Variants in RARB observed in about 807,000 individuals in gnomAD.
The protein encoded by RARB is retinoic acid receptor beta, also known as HBV-activated protein.
Under a neutral mutation model 51.9 loss-of-function variants are expected in RARB, and 17 were observed. The ratio of observed to expected loss-of-function variants is 0.33; its 90% CI spans 0.22 to 0.49. The LOEUF (loss-of-function observed/expected upper bound fraction) is 0.49. RARB is among the 20% of genes least tolerant of loss of function. RARB has a pLI of 0.99. For synonymous variants in RARB, 215 were observed against 195.4 expected (o/e 1.10, Z -0.84); for missense variants, 369 against 550.8 (o/e 0.67, Z 3.30).
chr3:25,290,120 C>G lies in RARB; in HGVS notation c.178+115545C>G, dbSNP rs1055554169. ...AGCATTGAGCTATTTACATAGAAAT[C>G]TCATTTAACTGTGTGTTACAGGCTG... On this transcript the variant is annotated intron_variant, in intron 5 of 11. Coordinates refer to the RARB transcript ENST00000383772. Among the ~76,000 whole-genome samples, 3 of 152,186 alleles carry G rather than the reference C, an allele frequency of 2.0e-5. No homozygotes were observed. The East Asian group carries it at 5.8e-4, about 29-fold the overall frequency.
chr3:25,525,614 G>C (rs1206806654), intron 3 of RARB, among the ~76,000 whole-genome samples: 1 of 152,152 alleles, frequency 6.6e-6, no homozygotes, highest in Non-Finnish European at 1.5e-5. Flanking sequence ...TAGACTAAAG[G>C]GTTCCTGATG....
Position 24,950,532 on chromosome 3 carries a change from A to G in RARB, c.-380+91780A>G, listed in dbSNP as rs531117114. On this transcript the variant is annotated intron_variant, in intron 2 of 11. Transcript: ENST00000383772. ...TTCTGGTTCAGGAAATGCATTTGAA[A>G]TATCACAGATTAGCTTGCCTGGCAG... 8.5e-5 allele frequency among the ~76,000 whole-genome samples: 13 copies of G among 152,302 alleles called. No homozygotes were observed. In the East Asian group the frequency reaches 2.5e-3, roughly 29 times the overall value.
Position 24,923,510 on chromosome 3 carries a change from T to A in RARB, c.-380+64758T>A, listed in dbSNP as rs192305097. On this transcript the variant is annotated intron_variant, in intron 2 of 11. Coordinates refer to the RARB transcript ENST00000383772. ...CTCTTCTTTCTTTTTCTTTTTTTTT[T>A]CTTTTCTATTTTGAATCTTCAGCAT... 5.9e-5 allele frequency among the ~76,000 whole-genome samples: 9 copies of A among 152,250 alleles called. No individual in the cohort carries two copies. The East Asian group carries it at 1.7e-3, about 29-fold the overall frequency.
Position 25,217,330 on chromosome 3 carries a change from C to T in RARB, c.178+42755C>T, listed in dbSNP as rs113080276. On this transcript the variant is annotated intron_variant, in intron 5 of 11. Transcript: ENST00000383772. ...TTTATTATTTTTGTATCATTAGGAG[C>T]TTGGGATTATAAGCATATATGACTC... Among the ~76,000 whole-genome samples, 821 of 152,206 alleles carry T rather than the reference C, an allele frequency of 5.4e-3. 14 individuals are homozygous for T. Among genetic ancestry groups the T allele is most frequent in the African/African-American group, 0.017 (724 of 41,506 alleles).
intron 3 of RARB, among the ~76,000 whole-genome samples, chr3:25,098,382 G>T (rs541132499): frequency 6.6e-6 from 1 of 152,076 alleles, no homozygotes; most frequent in Non-Finnish European, 1.5e-5. Flanking sequence ...GATCTCTATC[G>T]TGCTGTATTA....
At chr3:25,035,425 T>A (rs1697971443) in intron 2 of RARB, among the ~76,000 whole-genome samples, 1 of 15,528 alleles carries the variant, frequency 6.4e-5, no homozygotes, top group African/African-American at 1.0e-4. Context: ...TCCAGCCTTT[T>A]TTTTTTTTTT....
intron 5 of RARB, among the ~76,000 whole-genome samples, chr3:25,177,350 A>T (rs1175580023): frequency 6.6e-6 from 1 of 152,234 alleles, no homozygotes; most frequent in African/African-American, 2.4e-5. Context: ...AGGTAGCCAA[A>T]TTCTGTAAAG....
intron 4 of RARB, among the ~76,000 whole-genome samples, chr3:25,134,628 TC>T (rs1354665519): frequency 1.3e-5 from 2 of 151,956 alleles, no homozygotes; most frequent in East Asian, 3.9e-4. Flanking sequence ...ATTTTTTAGT[TC>T]CCTGAAAACT....
intron 4 of RARB, among the ~76,000 whole-genome samples, chr3:25,163,664 A>G (rs1458217428): frequency 1.3e-5 from 2 of 151,972 alleles, no homozygotes; most frequent in Non-Finnish European, 2.9e-5. Flanking sequence ...TGGTCAATAA[A>G]GAGTCTGCTA....
At chr3:25,226,536 C>A (rs1385213452) in intron 5 of RARB, among the ~76,000 whole-genome samples, 1 of 152,104 alleles carries the variant, frequency 6.6e-6, no homozygotes, top group Non-Finnish European at 1.5e-5. Flanking sequence ...ACCTACAAAC[C>A]TGCCAATCCT....
At position 25,244,163 on chromosome 3, in the gene RARB, T is replaced by A. The variant is rs148175463; in HGVS notation, c.178+69588T>A. Among the ~76,000 whole-genome samples the A allele has an allele frequency of 1.1e-3, 170 of 152,276 alleles. 4 individuals are homozygous for A. The East Asian group carries it at 0.027, about 24-fold the overall frequency. Reference sequence around the variant, plus strand: ...TGTGGGATCAGTGGTGATATCCCCTTTATCATTTTTTATTGTGTCTATTCG... The same window carrying A: ...TGTGGGATCAGTGGTGATATCCCCTATATCATTTTTTATTGTGTCTATTCG... On this transcript the variant is annotated intron_variant, in intron 5 of 11. Transcript: ENST00000383772.
intron 3 of RARB, among the ~76,000 whole-genome samples, chr3:25,549,820 A>C (rs761542002): frequency 6.6e-6 from 1 of 151,994 alleles, no homozygotes; most frequent in Non-Finnish European, 1.5e-5. Flanking sequence ...TTTCATGGTC[A>C]TGGCAACTGA....
chr3:24,882,077 A>G (rs1481356209), intron 2 of RARB, among the ~76,000 whole-genome samples: 1 of 152,186 alleles, frequency 6.6e-6, no homozygotes, highest in African/African-American at 2.4e-5. Flanking sequence ...TTGTATTTGG[A>G]GAATAAGAGA....
At chr3:25,379,162 C>A (rs1706553944) in intron 5 of RARB, among the ~76,000 whole-genome samples, 1 of 152,080 alleles carries the variant, frequency 6.6e-6, no homozygotes. Context: ...AACTCCCCAC[C>A]CTCAGCTCCA....
chr3:25,118,710 A>G (rs1699731125), intron 3 of RARB, among the ~76,000 whole-genome samples: 1 of 152,098 alleles, frequency 6.6e-6, no homozygotes, highest in Non-Finnish European at 1.5e-5. Context: ...TTTAACAATG[A>G]GATATGTCTT....
intron 3 of RARB, among the ~76,000 whole-genome samples, chr3:25,109,367 G>A (rs946809469): frequency 6.6e-6 from 1 of 152,086 alleles, no homozygotes; most frequent in African/African-American, 2.4e-5. Context: ...ATGGCCCACA[G>A]CATCTTTGGA....
chr3:24,972,778 T>A (rs1696429154), intron 2 of RARB, among the ~76,000 whole-genome samples: 1 of 152,058 alleles, frequency 6.6e-6, no homozygotes. Context: ...CCCGTGGCCA[T>A]TTGTAAGTCT....
At chr3:25,572,398 A>C (rs1286734) in intron 4 of RARB, among the ~76,000 whole-genome samples, 12,717 of 152,278 alleles carry the variant, frequency 0.084, 672 homozygotes, top group Non-Finnish European at 0.11. Flanking sequence ...ATTCCTTATG[A>C]GGACTCTGTG....
At chr3:24,977,429 T>C (rs977402525) in intron 2 of RARB, among the ~76,000 whole-genome samples, 1 of 152,324 alleles carries the variant, frequency 6.6e-6, no homozygotes, top group African/African-American at 2.4e-5. Context: ...TGTCCTCTTT[T>C]ATTTCGTTGA....
Sources: allele counts gnomAD v4.1 joint callset (sites outside exome capture counted in the v4.1 genomes callset), GRCh38; gene constraint gnomAD v4.1.1; transcripts MANE v1.5; gene names NCBI Gene and HGNC (gene_info 2026-07-23, HGNC 2026-07-21).